SLCO2B1: variants seen among roughly 807,000 people sequenced by gnomAD.
The protein encoded by SLCO2B1 is OATP-RP2.
A neutral mutation model predicts 67.3 loss-of-function variants in SLCO2B1; 41 were observed. The ratio of observed to expected loss-of-function variants is 0.61; its 90% CI spans 0.47 to 0.79. The LOEUF is 0.79. Among genes scored for constraint, SLCO2B1 ranks in the 30% least tolerant of loss-of-function variants. SLCO2B1 has a pLI of 0.00. For synonymous variants in SLCO2B1, 379 were observed against 381.4 expected (o/e 0.99, Z 0.07); for missense variants, 837 against 920.1 (o/e 0.91, Z 1.17).
intron 11 of SLCO2B1, chr11:75,202,345 G>A (rs1945194806): frequency 6.5e-6 from 1 of 154,896 alleles, no homozygotes; most frequent in African/African-American, 2.4e-5. Context: ...ACCGCTGTCA[G>A]CCATGAGATC....
intron 7 of SLCO2B1, among the ~76,000 whole-genome samples, chr11:75,185,933 C>T (rs559840084): frequency 6.6e-6 from 1 of 152,232 alleles, no homozygotes; most frequent in East Asian, 1.9e-4. Context: ...TTCTGTTCTC[C>T]AGACATGGGG....
At chr11:75,169,851 A>C in intron 6 of SLCO2B1, 87 bp downstream of exon 6, 1 of 1,066,398 alleles carries the variant, frequency 9.4e-7, no homozygotes, top group Non-Finnish European at 1.4e-6. Context: ...ACCTCGGTTC[A>C]AATCCTAGCA....
At chr11:75,170,426 G>C (rs1949944891) in intron 6 of SLCO2B1, among the ~76,000 whole-genome samples, 1 of 152,166 alleles carries the variant, frequency 6.6e-6, no homozygotes, top group South Asian at 2.1e-4. Flanking sequence ...CCAGGAGGGA[G>C]GGGTGTTGGG....
At chr11:75,163,837 C>T (rs1309499816) in intron 2 of SLCO2B1, 126 bp from the exon 3 acceptor site, 10 of 1,120,100 alleles carry the variant, frequency 8.9e-6, no homozygotes, top group South Asian at 3.1e-5. Flanking sequence ...GTCACTCTCC[C>T]GCCCTCTGTC....
intron 1 of SLCO2B1, among the ~76,000 whole-genome samples, chr11:75,162,198 G>A (rs1375745441): frequency 1.3e-5 from 2 of 152,124 alleles, no homozygotes; most frequent in Admixed American, 6.5e-5. Context: ...CCCTGCACCT[G>A]CCCCAGATCT....
rs146532688 is a variant in SLCO2B1 at position 75,193,554 on chromosome 11, C to T, written c.1412C>T (p.Ala471Val). The stretch of plus-strand genomic sequence containing the variant: ...ATCGGCTGCTCCAGCCACCAGATTG[C>T]GGGCATCACACACCAGACCAGGTGA... ...FFIGCSSHQI[A>V]GITHQTSAHP... The change falls in exon 9 of 14, where the codon GCG becomes GTG. Residue 471 changes from alanine to valine, a missense_variant. By Grantham distance (64) the Ala-to-Val change is moderately conservative. Transcript: ENST00000289575. This position sits in a 1 kb window ranked among gnomAD's most constrained non-coding sequence, Gnocchi z 4.2. The T allele has an allele frequency of 1.9e-5, 29 of 1,562,212 alleles. No individual in the cohort carries two copies. Among genetic ancestry groups the T allele is most frequent in the Middle Eastern group, 1.7e-4 (1 of 5,836 alleles).
intron 8 of SLCO2B1, among the ~76,000 whole-genome samples, chr11:75,192,586 T>C (rs1352005991): frequency 1.3e-5 from 2 of 149,960 alleles, no homozygotes; most frequent in South Asian, 2.1e-4. Context: ...ATACGTAGAG[T>C]AGAAAAAATG....
At chr11:75,155,091 C>G (rs1185473360) in intron 1 of SLCO2B1, among the ~76,000 whole-genome samples, 1 of 152,180 alleles carries the variant, frequency 6.6e-6, no homozygotes, top group Non-Finnish European at 1.5e-5. Context: ...CCTGACTGAG[C>G]TGGGAAACCA....
intron 7 of SLCO2B1, among the ~76,000 whole-genome samples, chr11:75,177,112 G>A (rs780706403): frequency 2.0e-5 from 3 of 152,050 alleles, no homozygotes; most frequent in Non-Finnish European, 4.4e-5. Flanking sequence ...AACCCCAAGG[G>A]TACCACCATA....
intron 9 of SLCO2B1, among the ~76,000 whole-genome samples, chr11:75,195,597 C>A (rs912608123): frequency 6.6e-6 from 1 of 152,166 alleles, no homozygotes; most frequent in African/African-American, 2.4e-5. Flanking sequence ...CCCCATGGAA[C>A]TGACATTTCA....
At chr11:75,202,679 G>T (rs1396265392) in intron 11 of SLCO2B1, 3 of 590,234 alleles carry the variant, frequency 5.1e-6, no homozygotes, top group Non-Finnish European at 9.1e-6. Flanking sequence ...ACAGGACCCT[G>T]ATGGTCAGTG....
At chr11:75,159,891 A>G in intron 1 of SLCO2B1, 2 of 985,102 alleles carry the variant, frequency 2.0e-6, no homozygotes, top group Non-Finnish European at 1.2e-6. Context: ...GGAGTGGGAG[A>G]TCACCTGAGG....
intron 4 of SLCO2B1, among the ~76,000 whole-genome samples, chr11:75,167,445 C>T (rs1013114241): frequency 9.2e-5 from 14 of 152,174 alleles, no homozygotes; most frequent in African/African-American, 3.4e-4. Flanking sequence ...TCAAGCAAAG[C>T]CCTTCTGTCT....
intron 7 of SLCO2B1, among the ~76,000 whole-genome samples, chr11:75,182,143 C>A (rs554607388): frequency 1.3e-5 from 2 of 152,348 alleles, no homozygotes; most frequent in African/African-American, 4.8e-5. Context: ...TTCAAATCTG[C>A]TCTCCCTTTC....
chr11:75,157,918 T>G (rs1949766492), intron 1 of SLCO2B1, among the ~76,000 whole-genome samples: 1 of 152,214 alleles, frequency 6.6e-6, no homozygotes, highest in Non-Finnish European at 1.5e-5. Flanking sequence ...CCCAAAGTGT[T>G]GGAATTACAG....
intron 7 of SLCO2B1, among the ~76,000 whole-genome samples, chr11:75,180,528 A>G (rs987234794): frequency 1.3e-5 from 2 of 152,200 alleles, no homozygotes; most frequent in Admixed American, 1.3e-4. Context: ...ATTTTTTATA[A>G]TAGCCATTCT....
At chr11:75,163,843 C>T in intron 2 of SLCO2B1, 120 bp from the exon 3 acceptor site, 1 of 1,190,896 alleles carries the variant, frequency 8.4e-7, no homozygotes, top group Non-Finnish European at 1.2e-6. Flanking sequence ...CTCCCGCCCT[C>T]TGTCTCTTTC....
intron 8 of SLCO2B1, among the ~76,000 whole-genome samples, chr11:75,191,264 C>A (rs1480266367): frequency 6.6e-6 from 1 of 152,134 alleles, no homozygotes; most frequent in Non-Finnish European, 1.5e-5. Context: ...CTAGACTCTA[C>A]CATGCAGTAG....
chr11:75,172,128 G>A (rs1288533924), intron 6 of SLCO2B1, among the ~76,000 whole-genome samples: 1 of 152,192 alleles, frequency 6.6e-6, no homozygotes, highest in Non-Finnish European at 1.5e-5. Flanking sequence ...AGACCCAGCA[G>A]TCCGCCTCTA....
Sources: gnomAD v4.1 joint callset for allele counts (sites outside exome capture counted in the v4.1 genomes callset) on GRCh38, gnomAD v4.1.1 for gene constraint, Gnocchi (gnomAD v3.1) non-coding constraint, MANE v1.5 for transcripts, NCBI Gene and HGNC (gene_info 2026-07-23, HGNC 2026-07-21) for gene names.